Variants in ERBB4 observed in about 807,000 individuals in gnomAD.
ERBB4 encodes erb-b2 receptor tyrosine kinase 4, also known as receptor tyrosine-protein kinase erbB-4.
ERBB4 carries 42 observed loss-of-function variants against 158.0 expected under a neutral mutation model. The observed-to-expected ratio is 0.27, with a 90% CI of 0.21 to 0.34. The LOEUF (loss-of-function observed/expected upper bound fraction) is 0.34. ERBB4 is among the 10% of genes least tolerant of loss of function. The probability of loss-of-function intolerance (pLI) is 1.00; values close to 1 mark genes in which losing one functional copy is unlikely to be tolerated. For missense variants in ERBB4, 1,333 were observed against 1,624.1 expected (o/e 0.82, Z 3.08); for synonymous variants, 583 against 558.7 (o/e 1.04, Z -0.61).
intron 1 of ERBB4, among the ~76,000 whole-genome samples, chr2:212,399,555 T>C (rs1244504779): frequency 2.3e-4 from 5 of 22,140 alleles, no homozygotes; most frequent in African/African-American, 1.8e-3. Flanking sequence ...CATATATATA[T>C]ATATATATAT....
chr2:211,418,079 G>A (rs2063432348), intron 25 of ERBB4, among the ~76,000 whole-genome samples: 1 of 127,136 alleles, frequency 7.9e-6, no homozygotes, highest in Admixed American at 7.8e-5. Flanking sequence ...TTTTCAAAAT[G>A]CATTATTTTT....
intron 2 of ERBB4, among the ~76,000 whole-genome samples, chr2:211,997,752 G>A (rs73081376): frequency 0.026 from 3,887 of 151,996 alleles, 61 homozygotes; most frequent in Middle Eastern, 0.054. Flanking sequence ...AAAAAACCAT[G>A]TTGACTGCAT....
rs945447425 is a variant in ERBB4, at chr2:212,330,956, G to T, written c.83-206053C>A. 2.0e-5 allele frequency among the ~76,000 whole-genome samples: 3 copies of T among 149,908 alleles called. No homozygotes were observed. In the Admixed American group the frequency reaches 2.0e-4, roughly 10 times the overall value. On this transcript the variant is annotated intron_variant, in intron 1 of 27. Transcript: ENST00000342788. ...GCCTGGGGTCAACAAGCAGCAAGTG[G>T]TATATGCAATATTTGCAACCAGAAG...
At chr2:211,656,309 C>T (rs2071214768) in intron 16 of ERBB4, among the ~76,000 whole-genome samples, 1 of 145,050 alleles carries the variant, frequency 6.9e-6, no homozygotes, top group Non-Finnish European at 1.5e-5. Flanking sequence ...CGCTTCAATA[C>T]AAGAGTTTAC....
At chr2:212,023,369 C>T (rs941689864) in intron 2 of ERBB4, among the ~76,000 whole-genome samples, 1 of 152,074 alleles carries the variant, frequency 6.6e-6, no homozygotes, top group Admixed American at 6.6e-5. Flanking sequence ...TGTTCTCTCT[C>T]ACACACACCT....
At chr2:212,198,677 C>T (rs577469919) in intron 1 of ERBB4, among the ~76,000 whole-genome samples, 37 of 150,436 alleles carry the variant, frequency 2.5e-4, no homozygotes, top group Non-Finnish European at 4.3e-4. Context: ...CGGGTTCAAG[C>T]GATTCTCCTG....
At chr2:211,426,972 G>C (rs1325540685) in intron 22 of ERBB4, among the ~76,000 whole-genome samples, 1 of 151,862 alleles carries the variant, frequency 6.6e-6, no homozygotes, top group Non-Finnish European at 1.5e-5. Flanking sequence ...CAATAGTTTA[G>C]CAAGTAAGTT....
intron 2 of ERBB4, among the ~76,000 whole-genome samples, chr2:211,968,113 C>T (rs1456477054): frequency 6.6e-6 from 1 of 151,962 alleles, no homozygotes; most frequent in Non-Finnish European, 1.5e-5. Context: ...ACTTTTCAAA[C>T]TACTTTAAAA....
intron 1 of ERBB4, among the ~76,000 whole-genome samples, chr2:212,160,851 T>A (rs2081182735): frequency 6.6e-6 from 1 of 152,036 alleles, no homozygotes; most frequent in Non-Finnish European, 1.5e-5. Context: ...AATGTAGCTC[T>A]CACTGAGGGT....
intron 17 of ERBB4, 24 bp downstream of exon 17, chr2:211,630,438 G>T: frequency 3.7e-6 from 6 of 1,612,380 alleles, no homozygotes; most frequent in Non-Finnish European, 5.1e-6. Context: ...CCAAACACAT[G>T]AAGAGGAGAA....
At chr2:211,433,671 G>C (rs970989302) in intron 20 of ERBB4, among the ~76,000 whole-genome samples, 1 of 152,180 alleles carries the variant, frequency 6.6e-6, no homozygotes, top group Non-Finnish European at 1.5e-5. Context: ...GAATGGATTG[G>C]ACATCAATGT....
intron 4 of ERBB4, among the ~76,000 whole-genome samples, chr2:211,772,950 TA>T (rs1477301716): frequency 0.06 from 4,584 of 76,410 alleles, 546 homozygotes; most frequent in Non-Finnish European, 0.075. Context: ...TATATATATA[TA>T]TATATTTTTT....
chr2:212,328,267 A>G (rs1347537252), intron 1 of ERBB4, among the ~76,000 whole-genome samples: 1 of 152,036 alleles, frequency 6.6e-6, no homozygotes, highest in East Asian at 1.9e-4. Flanking sequence ...CCAGAAGGCT[A>G]TGGCCTCATA....
intron 1 of ERBB4, among the ~76,000 whole-genome samples, chr2:212,466,271 A>C (rs1465917066): frequency 6.6e-6 from 1 of 152,224 alleles, no homozygotes; most frequent in Non-Finnish European, 1.5e-5. Flanking sequence ...GATTCTCCTC[A>C]ACCAAATGTG....
intron 20 of ERBB4, among the ~76,000 whole-genome samples, chr2:211,499,804 T>G (rs985157248): frequency 6.6e-6 from 1 of 151,740 alleles, no homozygotes; most frequent in African/African-American, 2.4e-5. Context: ...TATAAACTGT[T>G]CCCAAACCAA....
At chr2:211,919,266 G>C (rs1335179393) in intron 3 of ERBB4, among the ~76,000 whole-genome samples, 1 of 151,878 alleles carries the variant, frequency 6.6e-6, no homozygotes, top group Non-Finnish European at 1.5e-5. Flanking sequence ...CTTCCAAATG[G>C]GGAAAAAGGT....
At chr2:211,713,751 G>C (rs1383908555) in intron 7 of ERBB4, 103 bp from the exon 8 acceptor site, 5 of 720,158 alleles carry the variant, frequency 6.9e-6, no homozygotes, top group Non-Finnish European at 1.2e-5. Context: ...TAGCATCATT[G>C]ATAGTGTTTA....
intron 2 of ERBB4, among the ~76,000 whole-genome samples, chr2:212,050,955 A>G (rs1466309475): frequency 6.6e-6 from 1 of 152,194 alleles, no homozygotes; most frequent in African/African-American, 2.4e-5. Flanking sequence ...AGCTTCCATC[A>G]TAAACAACCA....
intron 1 of ERBB4, among the ~76,000 whole-genome samples, chr2:212,473,299 A>G (rs1037475556): frequency 6.6e-6 from 1 of 152,026 alleles, no homozygotes; most frequent in African/African-American, 2.4e-5. Context: ...AAATAAGATG[A>G]CTACTGTTGT....
Sources: gnomAD v4.1 joint callset for allele counts (sites outside exome capture counted in the v4.1 genomes callset) on GRCh38, gnomAD v4.1.1 for gene constraint, MANE v1.5 for transcripts, NCBI Gene and HGNC (gene_info 2026-07-23, HGNC 2026-07-21) for gene names.